PLAAT3: variants seen among roughly 807,000 people sequenced by gnomAD.
PLAAT3 encodes the protein phospholipase A and acyltransferase 3.
PLAAT3 carries 21 observed loss-of-function variants against 16.7 expected under a neutral mutation model. The ratio of observed to expected loss-of-function variants is 1.26; its 90% CI spans 0.89 to 1.81. PLAAT3 has a LOEUF of 1.81. Among genes scored for constraint, PLAAT3 ranks in the 40% most tolerant of loss-of-function variants. The probability of loss-of-function intolerance (pLI) is 0.00; values close to 1 mark genes in which losing one functional copy is unlikely to be tolerated. For synonymous variants in PLAAT3, 76 were observed against 81.7 expected, an observed-to-expected ratio of 0.93 and a Z score of 0.38; for missense variants, 219 against 213.7, an observed-to-expected ratio of 1.02 and a Z score of -0.16.
At chr11:63,600,587 T>TTTTTGTTTTG (rs111781962) in intron 2 of PLAAT3, among the ~76,000 whole-genome samples, 5,443 of 148,420 alleles carry the variant, frequency 0.037, 333 homozygotes, top group African/African-American at 0.12. Flanking sequence ...TTTTTTGTTT[T>TTTTTGTTTTG]TTTTGTTTTG....
intron 4 of PLAAT3, among the ~76,000 whole-genome samples, chr11:63,588,280 G>A (rs960650447): frequency 2.0e-5 from 3 of 152,070 alleles, no homozygotes; most frequent in Non-Finnish European, 4.4e-5. Flanking sequence ...ATGTTGGCCA[G>A]GCTGGTCTCA....
chr11:63,585,167 G>A (rs1031457704), intron 4 of PLAAT3, among the ~76,000 whole-genome samples: 6 of 151,638 alleles, frequency 4.0e-5, no homozygotes, highest in East Asian at 1.9e-4. Flanking sequence ...CGGGACTACC[G>A]GTGCACACCA....
intron 2 of PLAAT3, among the ~76,000 whole-genome samples, chr11:63,599,866 T>C (rs1430688899): frequency 1.3e-5 from 2 of 152,136 alleles, no homozygotes; most frequent in Non-Finnish European, 2.9e-5. Flanking sequence ...AAAGAGATGG[T>C]GTGGACATCA....
chr11:63,591,277 G>A (rs1938145939), intron 3 of PLAAT3, among the ~76,000 whole-genome samples: 1 of 152,190 alleles, frequency 6.6e-6, no homozygotes, highest in Non-Finnish European at 1.5e-5. Flanking sequence ...AGCTACTCAG[G>A]AGGCTGAGGC....
chr11:63,598,246 G>C (rs1938343833), intron 2 of PLAAT3, 83 bp from the exon 3 acceptor site: 1 of 892,752 alleles, frequency 1.1e-6, no homozygotes, highest in Non-Finnish European at 1.9e-6. Context: ...GTGCAGCTGA[G>C]TGGTCCCCAG....
intron 2 of PLAAT3, among the ~76,000 whole-genome samples, chr11:63,606,959 T>C (rs1274753467): frequency 6.6e-6 from 1 of 152,024 alleles, no homozygotes; most frequent in Non-Finnish European, 1.5e-5. Flanking sequence ...GGCTGCTCCG[T>C]TGAGAAGAGA....
At chr11:63,593,896 A>C (rs1467340959) in intron 3 of PLAAT3, among the ~76,000 whole-genome samples, 3 of 152,128 alleles carry the variant, frequency 2.0e-5, no homozygotes, top group African/African-American at 7.2e-5. Context: ...TTACGCTTTC[A>C]AACAATCACA....
At position 63,606,457 on chromosome 11, in the gene PLAAT3, CA is replaced by C. The variant is rs1565256534; in HGVS notation, c.15+7542del. ...ACACACACACACACACACACACACA[CA>C]CACACCTTAGTAAATAAGTAAATAA... On this transcript the variant is annotated intron_variant, in intron 2 of 4. Coordinates refer to ENST00000415826, the MANE Select transcript of PLAAT3 (RefSeq NM_001128203.2). Among the ~76,000 whole-genome samples the C allele has an allele frequency of 8.7e-3, 1,322 of 151,978 alleles. 17 individuals are homozygous for C. Among genetic ancestry groups the C allele is most frequent in the African/African-American group, 0.029 (1,215 of 41,400 alleles).
At chr11:63,577,810 G>A (rs1041666787) in intron 4 of PLAAT3, among the ~76,000 whole-genome samples, 5 of 151,910 alleles carry the variant, frequency 3.3e-5, no homozygotes, top group Admixed American at 2.6e-4. Flanking sequence ...AAATAAGAAC[G>A]TGGTACTATA....
At chr11:63,597,938 T>G in intron 3 of PLAAT3, 123 bp downstream of exon 3, 1 of 690,864 alleles carries the variant, frequency 1.4e-6, no homozygotes, top group Non-Finnish European at 2.6e-6. Context: ...CTTGTAACAT[T>G]CAGAGACAAC....
rs1165711001 is a variant in PLAAT3 at position 63,574,749 on chromosome 11, T to C, written c.*196A>G. 6.9e-6 allele frequency: 4 copies of C among 581,436 alleles called. No homozygotes were observed. The Admixed American group carries it at 1.2e-4, about 18-fold the overall frequency. 36.0% of individuals were successfully genotyped at this position (581,436 alleles called of 1,614,324 possible). A position where few individuals can be genotyped will look rare whatever the true frequency, so the allele number is the denominator to read the frequency against. On this transcript the variant is annotated 3_prime_UTR_variant, in exon 5 of 5. Transcript: ENST00000415826. ...CCAGGAAGACAGCCCGGCTGTTCCC[T>C]GAACAGACTTCACACCAGGCAGTTC...
chr11:63,584,694 T>C (rs1180601253), intron 4 of PLAAT3, among the ~76,000 whole-genome samples: 6 of 151,982 alleles, frequency 3.9e-5, no homozygotes, highest in Non-Finnish European at 5.9e-5. Flanking sequence ...GTATTTATAG[T>C]AGAGACGGGG....
chr11:63,611,658 T>C (rs981627887), intron 2 of PLAAT3, among the ~76,000 whole-genome samples: 1 of 152,206 alleles, frequency 6.6e-6, no homozygotes, highest in Non-Finnish European at 1.5e-5. Context: ...CATTTTCCTG[T>C]GTTTAAACAT....
At chr11:63,607,625 C>T (rs984669089) in intron 2 of PLAAT3, among the ~76,000 whole-genome samples, 10 of 151,944 alleles carry the variant, frequency 6.6e-5, no homozygotes, top group African/African-American at 9.7e-5. Flanking sequence ...ATGAGGGAAA[C>T]TTGTATGTGG....
upstream of PLAAT3, chr11:63,616,711 C>CG (rs1938882468): frequency 6.6e-6 from 1 of 150,832 alleles, no homozygotes; most frequent in Non-Finnish European, 1.5e-5. Context: ...AGGCCGGGCG[C>CG]GGTGGCTCAC....
At chr11:63,591,412 G>T (rs1938149728) in intron 3 of PLAAT3, among the ~76,000 whole-genome samples, 1 of 151,950 alleles carries the variant, frequency 6.6e-6, no homozygotes, top group Non-Finnish European at 1.5e-5. Flanking sequence ...AAGTAGGTAT[G>T]CACTCAAGGG....
intron 3 of PLAAT3, among the ~76,000 whole-genome samples, chr11:63,594,604 C>G (rs1480298507): frequency 2.0e-5 from 3 of 151,020 alleles, no homozygotes; most frequent in Non-Finnish European, 2.9e-5. Context: ...AAAACTCCAT[C>G]TCAAAAAAAA....
Position 63,606,425 on chromosome 11 carries a change from A to AACACACACACACACAC in PLAAT3, c.15+7559_15+7574dup, listed in dbSNP as rs34044017. On this transcript the variant is annotated intron_variant, in intron 2 of 4. Transcript: ENST00000415826. ...TGGCAAAACCCCGTCTCTACTATAAAACACACACACACACACACACACACA... is the reference window on the plus strand; with the variant it reads ...TGGCAAAACCCCGTCTCTACTATAAAACACACACACACACACACACACACACACACACACACACACA... Among the ~76,000 whole-genome samples, 943 of 140,162 alleles carry AACACACACACACACAC rather than the reference A, an allele frequency of 6.7e-3. 6 individuals carry two copies. Among genetic ancestry groups the AACACACACACACACAC allele is most frequent in the South Asian group, 1.0e-2 (43 of 4,318 alleles). The allele number at this position is 140,162 out of a possible 152,430, so 92.0% of individuals were successfully genotyped here.
chr11:63,589,453 G>C (rs1667081871), intron 4 of PLAAT3, among the ~76,000 whole-genome samples: 1 of 151,158 alleles, frequency 6.6e-6, no homozygotes, highest in South Asian at 2.1e-4. Context: ...TGAAAGGGAG[G>C]GGGAAGAAGT....
Sources: allele counts gnomAD v4.1 joint callset (sites outside exome capture counted in the v4.1 genomes callset), GRCh38; gene constraint gnomAD v4.1.1; transcripts MANE v1.5; gene names NCBI Gene and HGNC (gene_info 2026-07-23, HGNC 2026-07-21).